Variants in TJP1 observed in about 807,000 individuals in gnomAD.
The protein encoded by TJP1 is tight junction protein 1.
A neutral mutation model predicts 194.2 loss-of-function variants in TJP1; 43 were observed. The ratio of observed to expected loss-of-function variants is 0.22; its 90% CI spans 0.17 to 0.29. The LOEUF is 0.29. Among genes scored for constraint, TJP1 ranks in the 10% least tolerant of loss-of-function variants. The pLI is 1.00. For missense variants in TJP1, 1,971 were observed against 2,185.7 expected, an observed-to-expected ratio of 0.90 and a Z score of 1.96; for synonymous variants, 801 against 779.0, an observed-to-expected ratio of 1.03 and a Z score of -0.47.
intron 27 of TJP1, among the ~76,000 whole-genome samples, chr15:29,703,827 GA>G (rs2041714619): frequency 6.6e-6 from 1 of 152,050 alleles, no homozygotes; most frequent in Non-Finnish European, 1.5e-5. Context: ...ATTTTTAGTA[GA>G]GATGGGGTTT....
rs1379329985 is a variant in TJP1 at position 29,726,772 on chromosome 15, C to T, written c.2311+9G>A. 8 of 1,612,998 alleles carry T rather than the reference C, an allele frequency of 5.0e-6. No homozygotes were observed. The Admixed American group carries it at 1.3e-4, about 27-fold the overall frequency. ...TAAGCTGAAAGAAGGCCTTTATTAA[C>T]ATACTCACTTGTAAAAAGATGGTGA... On this transcript the variant is annotated intron_variant, in intron 17 of 27. Coordinates refer to ENST00000614355, the MANE Select transcript of TJP1 (RefSeq NM_001330239.4).
At chr15:29,936,833 C>G (rs890179677) in intron 2 of TJP1, among the ~76,000 whole-genome samples, 3 of 152,164 alleles carry the variant, frequency 2.0e-5, no homozygotes, top group Non-Finnish European at 2.9e-5. Context: ...TTGGGTTTAT[C>G]AAGTTCCCTT....
At chr15:29,936,322 TG>T (rs1343077428) in intron 2 of TJP1, among the ~76,000 whole-genome samples, 1 of 152,216 alleles carries the variant, frequency 6.6e-6, no homozygotes, top group Non-Finnish European at 1.5e-5. Context: ...CACTAAATAC[TG>T]AATAGAGTCG....
At chr15:29,790,159 A>G (rs1308125517) in intron 2 of TJP1, among the ~76,000 whole-genome samples, 1 of 152,188 alleles carries the variant, frequency 6.6e-6, no homozygotes, top group East Asian at 1.9e-4. Context: ...ACAGAGATTT[A>G]TGGTCTGCAA....
chr15:29,719,635 T>G (rs1474441580), intron 20 of TJP1, 142 bp downstream of exon 20: 1 of 1,082,296 alleles, frequency 9.2e-7, no homozygotes, highest in Non-Finnish European at 1.3e-6. Context: ...GAAACTGAAA[T>G]GATTTGTATT....
chr15:29,806,610 T>C (rs1444509561), intron 1 of TJP1, among the ~76,000 whole-genome samples: 5 of 152,188 alleles, frequency 3.3e-5, no homozygotes, highest in Non-Finnish European at 7.4e-5. Context: ...TTTGGTCTTT[T>C]TGGCTTTTTT....
In TJP1 at chr15:29,720,194, AAC is replaced by A. The variant is rs2042843266; in HGVS notation, c.2763+162_2763+163del. ...TCCAGTACATTGCTGTGTTAAGACA[AAC>A]ACACAAAATTTAGAATTAAGCCCTT... On this transcript the variant is annotated intron_variant, in intron 19 of 27. Transcript: ENST00000614355. 7.1e-6 allele frequency: 8 copies of A among 1,132,208 alleles called. No homozygotes were observed. The South Asian group carries it at 1.2e-4, about 17-fold the overall frequency. The allele number at this position is 1,132,208 out of a possible 1,614,324, so 70.1% of individuals were successfully genotyped here.
In TJP1 at chr15:29,761,775, A is replaced by T. The variant is rs1367843990; in HGVS notation, c.694-6T>A. The stretch of plus-strand genomic sequence containing the variant: ...TCTGTCACAGTACCATTTATCTGCA[A>T]CAGAAAATAAATTACAGCTTGAAAG... On this transcript the variant is annotated splice_polypyrimidine_tract_variant and splice_region_variant and intron_variant, in intron 6 of 27. Coordinates refer to ENST00000614355, the MANE Select transcript of TJP1 (RefSeq NM_001330239.4). The T allele has an allele frequency of 6.5e-7, 1 of 1,526,916 alleles. No homozygotes were observed. The highest frequency in any genetic ancestry group is 1.3e-5 in the South Asian group (1 of 77,056). The allele number at this position is 1,526,916 out of a possible 1,614,324, so 94.6% of individuals were successfully genotyped here.
intron 23 of TJP1, 61 bp downstream of exon 23, chr15:29,716,550 T>C (rs1255383646): frequency 1.6e-6 from 2 of 1,242,668 alleles, no homozygotes; most frequent in Non-Finnish European, 1.1e-6. Flanking sequence ...TCAAAATATA[T>C]TGAACTGCAC....
At chr15:29,886,536 T>G (rs1319040269) in intron 2 of TJP1, among the ~76,000 whole-genome samples, 1 of 151,162 alleles carries the variant, frequency 6.6e-6, no homozygotes, top group Non-Finnish European at 1.5e-5. Flanking sequence ...GAGGCTGCAG[T>G]GAGCTATGAC....
intron 2 of TJP1, among the ~76,000 whole-genome samples, chr15:29,875,987 GCTAGCC>G (rs1270544540): frequency 6.6e-6 from 1 of 152,136 alleles, no homozygotes; most frequent in African/African-American, 2.4e-5. Context: ...TATGGTAACT[GCTAGCC>G]ACACGTGACT....
At chr15:29,828,920 G>A (rs2050752784) in intron 2 of TJP1, among the ~76,000 whole-genome samples, 1 of 151,752 alleles carries the variant, frequency 6.6e-6, no homozygotes, top group African/African-American at 2.4e-5. Context: ...TTGTTTGTTT[G>A]TTTGGTATTT....
rs1212453414 is a variant in TJP1, at chr15:29,955,754, A to T, written c.306+478T>A. On this transcript the variant is annotated intron_variant, in intron 2 of 28. Transcript: ENST00000356107. ...CAACAGAAGGAGACCCTGGCTCTTTAAAAAAAAAAAAAAAAAAAAAAAAAA... is the reference window on the plus strand; with the variant it reads ...CAACAGAAGGAGACCCTGGCTCTTTTAAAAAAAAAAAAAAAAAAAAAAAAA... Among the ~76,000 whole-genome samples the T allele has an allele frequency of 2.5e-4, 20 of 78,858 alleles. No homozygotes were observed. The South Asian group carries it at 6.0e-3, about 24-fold the overall frequency. The allele number at this position is 78,858 out of a possible 152,430, so 51.7% of individuals were successfully genotyped here. A position where few individuals can be genotyped will look rare whatever the true frequency, so the allele number is the denominator to read the frequency against.
chr15:29,929,727 A>G (rs939652058), intron 2 of TJP1, among the ~76,000 whole-genome samples: 4 of 152,076 alleles, frequency 2.6e-5, no homozygotes, highest in Non-Finnish European at 5.9e-5. Flanking sequence ...TAAATAAATA[A>G]ATGTATGACT....
Position 29,700,876 on chromosome 15 carries a change from A to C in TJP1, c.*719T>G, listed in dbSNP as rs1007723500. The stretch of plus-strand genomic sequence containing the variant: ...AGTATCTAGATAATGCACAAAAGCC[A>C]TAAAAACTTAGTAACACAAGGAGAA... On this transcript the variant is annotated 3_prime_UTR_variant, in exon 28 of 28. Transcript: ENST00000614355. 6.4e-6 allele frequency: 1 copy of C among 155,894 alleles called. No individual in the cohort carries two copies. Among genetic ancestry groups the C allele is most frequent in the East Asian group, 1.9e-4 (1 of 5,326 alleles). 9.7% of individuals were successfully genotyped at this position (155,894 alleles called of 1,614,324 possible). A position where few individuals can be genotyped will look rare whatever the true frequency, so the allele number is the denominator to read the frequency against.
rs200389891 is a variant in TJP1 at position 29,720,562 on chromosome 15, G to A, written c.2559C>T (p.Tyr853=). 1,151 of 1,613,976 alleles carry A rather than the reference G, an allele frequency of 7.1e-4. 2 individuals carry two copies. The highest frequency in any genetic ancestry group is 7.0e-4 in the Non-Finnish European group (826 of 1,180,020). The change falls in exon 19 of 28, where the codon TAC becomes TAT. Residue 853 remains tyrosine (Y), a synonymous_variant. Transcript: ENST00000614355. The part of the protein sequence containing the change: ...YEDTDTEGGA[Y]TDQELDETLN... Reference sequence around the variant, plus strand: ...GAGTTTCATCTAGTTCTTGATCAGTGTAGGCCCCGCCTTCTGTGTCTGTGT... The same window carrying A: ...GAGTTTCATCTAGTTCTTGATCAGTATAGGCCCCGCCTTCTGTGTCTGTGT...
intron 4 of TJP1, among the ~76,000 whole-genome samples, chr15:29,771,533 T>C (rs970874522): frequency 1.3e-5 from 2 of 152,090 alleles, no homozygotes; most frequent in Admixed American, 6.5e-5. Flanking sequence ...TGGCCGGGCG[T>C]GGTGGCTCAT....
intron 6 of TJP1, 72 bp from the exon 7 acceptor site, chr15:29,761,841 C>A: frequency 1.5e-6 from 2 of 1,371,796 alleles, no homozygotes; most frequent in Non-Finnish European, 9.6e-7. Context: ...TTGTTATAAA[C>A]AGAAATATCC....
At chr15:29,774,176 A>G (rs947016447) in intron 2 of TJP1, among the ~76,000 whole-genome samples, 12 of 152,208 alleles carry the variant, frequency 7.9e-5, no homozygotes, top group African/African-American at 2.9e-4. Context: ...ATAAAACTGT[A>G]CAATTCAAAC....
Sources: allele counts gnomAD v4.1 joint callset (sites outside exome capture counted in the v4.1 genomes callset), GRCh38; gene constraint gnomAD v4.1.1; transcripts MANE v1.5; gene names NCBI Gene and HGNC (gene_info 2026-07-23, HGNC 2026-07-21).